Variants in GOLM1 observed in about 807,000 individuals in gnomAD.
GOLM1 encodes epididymis luminal protein 46.
GOLM1 carries 31 observed loss-of-function variants against 50.5 expected under a neutral mutation model. The observed-to-expected ratio is 0.61, with a 90% CI of 0.46 to 0.83. The LOEUF is 0.83. Ranked by LOEUF, GOLM1 falls within the 40% of genes least tolerant of loss-of-function variation. GOLM1 has a pLI of 0.00. For synonymous variants in GOLM1, 178 were observed against 192.8 expected, an observed-to-expected ratio of 0.92 and a Z score of 0.64; for missense variants, 491 against 501.3, an observed-to-expected ratio of 0.98 and a Z score of 0.20.
rs113374929 is a variant in GOLM1 at position 86,041,296 on chromosome 9, C to T, written c.468-428G>A. ...GGTCTTGGAGGTGGGGAAGGATGGGCGTCAGATAGTTTCAGGACAGAGGCT... is the reference window on the plus strand; with the variant it reads ...GGTCTTGGAGGTGGGGAAGGATGGGTGTCAGATAGTTTCAGGACAGAGGCT... On this transcript the variant is annotated intron_variant, in intron 5 of 9. Coordinates refer to ENST00000388712, the MANE Select transcript of GOLM1 (RefSeq NM_016548.4). 6.8e-3 allele frequency among the ~76,000 whole-genome samples: 1,038 copies of T among 152,132 alleles called. 13 individuals carry two copies. The highest frequency in any genetic ancestry group is 0.024 in the African/African-American group (989 of 41,500).
rs1833312192 is a variant in GOLM1 at position 86,040,649 on chromosome 9, C to T, written c.597+90G>A. 6.3e-6 allele frequency: 8 copies of T among 1,264,290 alleles called. No homozygotes were observed. In the South Asian group the frequency reaches 1.1e-4, roughly 18 times the overall value. 78.3% of individuals were successfully genotyped at this position (1,264,290 alleles called of 1,614,324 possible). ...CCAAGCCCGCAAAGGAGGGCAGAAT[C>T]CAGAGAAAGCCAGGCGGCACATAAA... On this transcript the variant is annotated intron_variant, in intron 6 of 9. Transcript: ENST00000388712.
rs1011279897 is a variant in GOLM1, at chr9:86,052,520, G to A, written c.364+17C>T. On this transcript the variant is annotated intron_variant, in intron 4 of 9. Coordinates refer to ENST00000388712, the MANE Select transcript of GOLM1 (RefSeq NM_016548.4). ...TCAAAGGCCAGTGCCTGGTGTGGAG[G>A]AGCGAGCGGAACTTACCTTGCAGCA... The A allele has an allele frequency of 6.2e-7, 1 of 1,611,888 alleles. No homozygotes were observed. Among genetic ancestry groups the A allele is most frequent in the Middle Eastern group, 1.7e-4 (1 of 6,054 alleles).
intron 1 of GOLM1, among the ~76,000 whole-genome samples, chr9:86,087,645 C>T (rs546140647): frequency 1.3e-5 from 2 of 152,250 alleles, no homozygotes; most frequent in South Asian, 2.1e-4. Flanking sequence ...GAGTTTTTAG[C>T]ATGAAGAGGT....
rs376009791 is a variant in GOLM1 at position 86,077,538 on chromosome 9, G to A, written c.183C>T (p.Gly61=). The change falls in exon 3 of 10, where the codon GGC becomes GGT. Residue 61 remains glycine, a synonymous_variant. Transcript: ENST00000388712. ...ACTCGTTCTTCTTCAGCTCCACGGC[G>A]CCTCTCTCTGCAGCCGCCCTGCGGA... is the stretch of plus-strand genomic sequence containing the variant. ...GRVRRAAAER[G]AVELKKNEFQ... 6 of 1,612,672 alleles carry A rather than the reference G, an allele frequency of 3.7e-6. No homozygotes were observed. The highest frequency in any genetic ancestry group is 1.7e-5 in the Admixed American group (1 of 59,996).
intron 1 of GOLM1, among the ~76,000 whole-genome samples, chr9:86,082,555 T>C (rs7022237): frequency 0.24 from 36,582 of 150,920 alleles, 7,482 homozygotes; most frequent in African/African-American, 0.54. Context: ...ATCCTCCCAC[T>C]TCAGCTTCCC....
At position 86,027,490 on chromosome 9, in the gene GOLM1, C is replaced by A. The variant is rs140956232; in HGVS notation, c.*327G>T. ...TTCTATAGGTGGCTGTTAATTTACA[C>A]AAAGTTATATTCCAGAATCAGGAAG... is the stretch of plus-strand genomic sequence containing the variant. On this transcript the variant is annotated 3_prime_UTR_variant, in exon 10 of 10. Coordinates refer to ENST00000388712, the MANE Select transcript of GOLM1 (RefSeq NM_016548.4). 1,204 of 1,112,226 alleles carry A rather than the reference C, an allele frequency of 1.1e-3. 8 individuals are homozygous for A. In the African/African-American group the frequency reaches 0.018, roughly 17 times the overall value. The allele number at this position is 1,112,226 out of a possible 1,614,324, so 68.9% of individuals were successfully genotyped here.
intron 4 of GOLM1, among the ~76,000 whole-genome samples, chr9:86,048,693 G>C (rs558088422): frequency 3.3e-5 from 5 of 152,070 alleles, no homozygotes; most frequent in African/African-American, 1.2e-4. Flanking sequence ...ATGCTTGTTC[G>C]TATGCTTTGC....
chr9:86,044,636 T>C (rs1169116551), intron 5 of GOLM1, among the ~76,000 whole-genome samples: 1 of 152,202 alleles, frequency 6.6e-6, no homozygotes, highest in Non-Finnish European at 1.5e-5. Context: ...AGTAATGTAA[T>C]TTTTTAAATT....
chr9:86,069,718 C>T (rs74432865), intron 3 of GOLM1, among the ~76,000 whole-genome samples: 2,700 of 152,220 alleles, frequency 0.018, 33 homozygotes, highest in Non-Finnish European at 0.028. Flanking sequence ...TTAGCTGAGG[C>T]CAGCAATGAC....
intron 9 of GOLM1, among the ~76,000 whole-genome samples, chr9:86,032,007 C>T (rs4877308): frequency 0.29 from 43,240 of 150,252 alleles, 8,215 homozygotes; most frequent in African/African-American, 0.54. Context: ...CCACCACTCA[C>T]CTTACCGAGG....
Position 86,053,305 on chromosome 9 carries a change from C to T in GOLM1, c.310-714G>A, listed in dbSNP as rs377050287. Among the ~76,000 whole-genome samples the T allele has an allele frequency of 5.0e-3, 710 of 142,538 alleles. 5 individuals carry two copies. Among genetic ancestry groups the T allele is most frequent in the African/African-American group, 0.018 (677 of 38,058 alleles). The allele number at this position is 142,538 out of a possible 152,430, so 93.5% of individuals were successfully genotyped here. On this transcript the variant is annotated intron_variant, in intron 3 of 9. Transcript: ENST00000388712. Reference sequence around the variant, plus strand: ...ACACCATTCCACACCACACACCACACCAAACCACAGCAGGCCACACACCAC... The same window carrying T: ...ACACCATTCCACACCACACACCACATCAAACCACAGCAGGCCACACACCAC...
Position 86,027,397 on chromosome 9 carries a change from T to A in GOLM1, c.*420A>T, listed in dbSNP as rs1832818058. 1.0e-6 allele frequency: 1 copy of A among 994,788 alleles called. No individual in the cohort carries two copies. The highest frequency in any genetic ancestry group is 4.5e-5 in the South Asian group (1 of 22,046). The allele number at this position is 994,788 out of a possible 1,614,324, so 61.6% of individuals were successfully genotyped here. On this transcript the variant is annotated 3_prime_UTR_variant, in exon 10 of 10. Coordinates refer to ENST00000388712, the MANE Select transcript of GOLM1 (RefSeq NM_016548.4). ...CAGGTAACAGGCTGGCACCAGCACT[T>A]GGTACAGCACGTGGACAGGACGACG...
intron 3 of GOLM1, among the ~76,000 whole-genome samples, chr9:86,063,394 T>A (rs1359851447): frequency 6.6e-6 from 1 of 152,210 alleles, no homozygotes. Context: ...TGCTCCCACC[T>A]GCGGAAGAGG....
At chr9:86,068,831 C>T (rs1478230954) in intron 3 of GOLM1, among the ~76,000 whole-genome samples, 1 of 152,236 alleles carries the variant, frequency 6.6e-6, no homozygotes, top group East Asian at 1.9e-4. Flanking sequence ...CCAGTCCCAA[C>T]TGGGTATCAG....
intron 6 of GOLM1, among the ~76,000 whole-genome samples, chr9:86,038,298 C>T (rs752109251): frequency 1.2e-4 from 18 of 152,110 alleles, no homozygotes; most frequent in Non-Finnish European, 2.5e-4. Flanking sequence ...AGAGAAAAAT[C>T]GGCTTGTGCT....
chr9:86,078,860 A>G (rs1265764375), intron 2 of GOLM1, among the ~76,000 whole-genome samples: 1 of 152,202 alleles, frequency 6.6e-6, no homozygotes, highest in African/African-American at 2.4e-5. Flanking sequence ...AGGACCGCAA[A>G]CAACGGACTA....
chr9:86,094,950 G>A (rs919548601), intron 1 of GOLM1, among the ~76,000 whole-genome samples: 1 of 152,012 alleles, frequency 6.6e-6, no homozygotes, highest in Non-Finnish European at 1.5e-5. Context: ...GGGCGTGGTG[G>A]TGCATGCCTG....
At chr9:86,046,449 C>G in intron 5 of GOLM1, 21 bp downstream of exon 5, 1 of 1,447,576 alleles carries the variant, frequency 6.9e-7, no homozygotes, top group Non-Finnish European at 9.7e-7. Context: ...CACTGTGGCA[C>G]GCGCTCTGAG....
At chr9:86,082,260 T>G (rs1029369098) in intron 1 of GOLM1, among the ~76,000 whole-genome samples, 2 of 150,936 alleles carry the variant, frequency 1.3e-5, no homozygotes, top group African/African-American at 4.8e-5. Context: ...TCTCCTGACC[T>G]TGTGATCCGC....
Sources: allele counts gnomAD v4.1 joint callset (sites outside exome capture counted in the v4.1 genomes callset), GRCh38; gene constraint gnomAD v4.1.1; transcripts MANE v1.5; gene names NCBI Gene and HGNC (gene_info 2026-07-23, HGNC 2026-07-21).